Variants in DUSP5 observed in about 807,000 individuals in gnomAD.
DUSP5 encodes dual specificity protein phosphatase 5.
Under a neutral mutation model 33.6 loss-of-function variants are expected in DUSP5, and 22 were observed. That is an observed-to-expected ratio of 0.66 (90% CI 0.47 to 0.94). The LOEUF is 0.94. Ranked by LOEUF, DUSP5 falls within the 40% of genes least tolerant of loss-of-function variation. The pLI is 0.00. For missense variants in DUSP5, 551 were observed against 522.1 expected, an observed-to-expected ratio of 1.06 and a Z score of -0.54; for synonymous variants, 270 against 231.1, an observed-to-expected ratio of 1.17 and a Z score of -1.53.
In DUSP5 at chr10:110,498,476, G is replaced by T; in HGVS notation, c.355G>T (p.Gly119Cys). The T allele has an allele frequency of 6.5e-7, 1 of 1,542,762 alleles. No individual in the cohort carries two copies. Among genetic ancestry groups the T allele is most frequent in the Non-Finnish European group, 8.7e-7 (1 of 1,153,854 alleles). Residue 119 changes from glycine (G) to cysteine (C), a missense_variant, in exon 1 of 4, where the codon GGC (glycine) becomes TGC (cysteine). Gly to Cys is a radical substitution (Grantham distance 159). This residue lies in a region of DUSP5 where 381 missense variants were observed against 310.4 expected (regional missense o/e 1.23). Transcript: ENST00000369583. ...CTCGCTACTCGCTTGCCTACCCGCC[G>T]GCCCGCGGGTCTACTTCCTCAAAGG... ...LTSLLACLPA[G>C]PRVYFLKGGY...
Position 110,510,514 on chromosome 10 carries a change from T to A in DUSP5, c.*88T>A. ...TGGACATTTCATACCTGTGCAATAC[T>A]GAAGACCTCATTCTGTCATGCTGCC... On this transcript the variant is annotated 3_prime_UTR_variant, in exon 4 of 4. Coordinates refer to ENST00000369583, the MANE Select transcript of DUSP5 (RefSeq NM_004419.4). 1 of 1,403,540 alleles carries A rather than the reference T, an allele frequency of 7.1e-7. No homozygotes were observed. Among genetic ancestry groups the A allele is most frequent in the Middle Eastern group, 1.8e-4 (1 of 5,432 alleles). 86.9% of individuals were successfully genotyped at this position (1,403,540 alleles called of 1,614,324 possible).
In DUSP5 at chr10:110,510,605, T is replaced by C; in HGVS notation, c.*179T>C. ...TTCAGACGGACCTCAGGGTAGGTTC[T>C]CGGGACTGAAGGAAGGCCAAGCCAT... On this transcript the variant is annotated 3_prime_UTR_variant, in exon 4 of 4. Coordinates refer to ENST00000369583, the MANE Select transcript of DUSP5 (RefSeq NM_004419.4). 1 of 894,036 alleles carries C rather than the reference T, an allele frequency of 1.1e-6. No individual in the cohort carries two copies. The highest frequency in any genetic ancestry group is 1.6e-6 in the Non-Finnish European group (1 of 612,614). 55.4% of individuals were successfully genotyped at this position (894,036 alleles called of 1,614,324 possible).
chr10:110,507,535 CAGA>C (rs1860134224), intron 3 of DUSP5, among the ~76,000 whole-genome samples: 2 of 152,262 alleles, frequency 1.3e-5, no homozygotes, highest in African/African-American at 4.8e-5. Context: ...TAAAAGCAAA[CAGA>C]AGGATTCAGA....
chr10:110,507,064 G>A lies in DUSP5; in HGVS notation c.658G>A (p.Ala220Thr), dbSNP rs1889566. The part of the protein sequence containing the change: ...NVSRRTSEAC[A>T]THLHYKWIPV... Reference sequence around the variant, plus strand: ...CTCCCGACGGACCTCCGAGGCCTGCGCGACCCACCTACACTACAAATGGAT... The same window carrying A: ...CTCCCGACGGACCTCCGAGGCCTGCACGACCCACCTACACTACAAATGGAT... The change falls in exon 3 of 4, where the codon GCG (alanine) becomes ACG (threonine). Residue 220 changes from alanine to threonine, a missense_variant. Around this residue, in one of 3 missense-constraint regions of DUSP5, gnomAD observed 12 missense variants for 29.9 expected, o/e 0.40. Coordinates refer to ENST00000369583, the MANE Select transcript of DUSP5 (RefSeq NM_004419.4). 0.99 allele frequency: 1,605,568 copies of A among 1,614,154 alleles called. 798,896 individuals are homozygous for A. Among genetic ancestry groups the A allele is most frequent in the East Asian group, 1 (44,876 of 44,878 alleles).
chr10:110,505,939 C>A (rs1220556377), intron 2 of DUSP5, among the ~76,000 whole-genome samples: 1 of 152,174 alleles, frequency 6.6e-6, no homozygotes, highest in African/African-American at 2.4e-5. Context: ...CTTCAACAAA[C>A]CCCCGTGTGA....
chr10:110,510,228 C>T lies in DUSP5; in HGVS notation c.957C>T (p.Pro319=). 1 of 1,614,192 alleles carries T rather than the reference C, an allele frequency of 6.2e-7. No homozygotes were observed. Among genetic ancestry groups the T allele is most frequent in the Non-Finnish European group, 8.5e-7 (1 of 1,180,020 alleles). ...TGCAGTACGAATCTGAGATCCTGCCCTCCACGCCCAACCCCCAGCCTCCCT... is the reference window on the plus strand; with the variant it reads ...TGCAGTACGAATCTGAGATCCTGCCTTCCACGCCCAACCCCCAGCCTCCCT... ...QLLQYESEIL[P]STPNPQPPSC... The change falls in exon 4 of 4, where the codon CCC becomes CCT. Residue 319 remains proline (P), a synonymous_variant. Coordinates refer to ENST00000369583, the MANE Select transcript of DUSP5 (RefSeq NM_004419.4).
intron 3 of DUSP5, among the ~76,000 whole-genome samples, chr10:110,508,790 TTTG>T (rs1860150868): frequency 6.6e-6 from 1 of 152,182 alleles, no homozygotes; most frequent in Non-Finnish European, 1.5e-5. Flanking sequence ...AAGAGACTGT[TTTG>T]TTGTTTCTTT....
At chr10:110,502,613 T>C in intron 1 of DUSP5, 108 bp from the exon 2 acceptor site, 1 of 1,353,912 alleles carries the variant, frequency 7.4e-7, no homozygotes, top group African/African-American at 1.5e-5. Flanking sequence ...TGGCTTATTT[T>C]TTTTCTTAAC....
In DUSP5 at chr10:110,509,897, C is replaced by A. The variant is rs976458913; in HGVS notation, c.749-123C>A. ...GACTGGCAGAAGTGTAGTGTAGGGCCGTGGCTCTTAGGCAGGCACAACAGT... is the reference window on the plus strand; with the variant it reads ...GACTGGCAGAAGTGTAGTGTAGGGCAGTGGCTCTTAGGCAGGCACAACAGT... On this transcript the variant is annotated intron_variant, in intron 3 of 3. Coordinates refer to ENST00000369583, the MANE Select transcript of DUSP5 (RefSeq NM_004419.4). 4 of 1,306,984 alleles carry A rather than the reference C, an allele frequency of 3.1e-6. No homozygotes were observed. The East Asian group carries it at 9.3e-5, about 30-fold the overall frequency. 81.0% of individuals were successfully genotyped at this position (1,306,984 alleles called of 1,614,324 possible).
At chr10:110,500,618 A>T (rs540533454) in intron 1 of DUSP5, among the ~76,000 whole-genome samples, 1 of 152,324 alleles carries the variant, frequency 6.6e-6, no homozygotes, top group South Asian at 2.1e-4. Context: ...AATGGTGATG[A>T]CTGAATTGCG....
chr10:110,498,116 G>A lies in DUSP5; in HGVS notation c.-6G>A, dbSNP rs1328443694. 4 of 1,342,062 alleles carry A rather than the reference G, an allele frequency of 3.0e-6. No individual in the cohort carries two copies. The highest frequency in any genetic ancestry group is 4.7e-4 in the Middle Eastern group (2 of 4,226). 83.1% of individuals were successfully genotyped at this position (1,342,062 alleles called of 1,614,324 possible). A position where few individuals can be genotyped will look rare whatever the true frequency, so the allele number is the denominator to read the frequency against. On this transcript the variant is annotated 5_prime_UTR_variant, in exon 1 of 4. Transcript: ENST00000369583. ...CGCGGGGCCGCTGGCCGGCGGCGGC[G>A]GCGGCATGAAGGTCACGTCGCTCGA... is the stretch of plus-strand genomic sequence containing the variant.
chr10:110,502,259 A>G (rs143836513), intron 1 of DUSP5, among the ~76,000 whole-genome samples: 2,491 of 152,276 alleles, frequency 0.016, 32 homozygotes, highest in Middle Eastern at 0.054. Context: ...ATTTCCTTAT[A>G]AATGGAGGAG....
chr10:110,502,681 A>C, intron 1 of DUSP5, 40 bp from the exon 2 acceptor site: 1 of 1,603,548 alleles, frequency 6.2e-7, no homozygotes, highest in South Asian at 1.1e-5. Context: ...TGAGAAATTG[A>C]TGCTTACCAT....
At chr10:110,499,521 G>A (rs1432494873) in intron 1 of DUSP5, among the ~76,000 whole-genome samples, 8 of 134,928 alleles carry the variant, frequency 5.9e-5, no homozygotes, top group African/African-American at 1.8e-4. Flanking sequence ...CAGTGTTGGG[G>A]ATCAGAGCTC....
At chr10:110,500,665 C>T (rs1431408524) in intron 1 of DUSP5, among the ~76,000 whole-genome samples, 3 of 152,162 alleles carry the variant, frequency 2.0e-5, no homozygotes, top group African/African-American at 7.2e-5. Context: ...TCTGTGCTCT[C>T]TCTGTTCCCT....
chr10:110,501,477 C>T (rs1434177081), intron 1 of DUSP5, among the ~76,000 whole-genome samples: 3 of 152,136 alleles, frequency 2.0e-5, no homozygotes, highest in Non-Finnish European at 4.4e-5. Context: ...TTGGCTGCAG[C>T]TTCTGGGAGG....
chr10:110,498,543 CCCGGGTCCCCTCCCTGCG>C, intron 1 of DUSP5, 43 bp downstream of exon 1: 1 of 1,397,508 alleles, frequency 7.2e-7, no homozygotes, highest in Non-Finnish European at 9.3e-7. Context: ...CTCCGGCGCC[CCCGGGTCCCCTCCCTGCG>C]CCGGGGCGCC....
At position 110,510,173 on chromosome 10, in the gene DUSP5, C is replaced by T. The variant is rs142065029; in HGVS notation, c.902C>T (p.Ser301Leu). ...ATCAAGCAGAGGAGGAGCATGGTCT[C>T]GCCCAACTTTGGCTTCATGGGCCAG... ...DYIKQRRSMVSPNFGFMGQLL... is the reference protein window; with the variant it reads ...DYIKQRRSMVLPNFGFMGQLL... Residue 301 changes from serine (S) to leucine (L), a missense_variant, in exon 4 of 4, where the codon TCG becomes TTG. Ser to Leu is a moderately radical substitution (Grantham distance 145). Coordinates refer to ENST00000369583, the MANE Select transcript of DUSP5 (RefSeq NM_004419.4). 8.7e-5 allele frequency: 141 copies of T among 1,614,236 alleles called. No homozygotes were observed. In the African/African-American group the frequency reaches 1.7e-3, roughly 20 times the overall value.
intron 2 of DUSP5, among the ~76,000 whole-genome samples, chr10:110,504,554 G>C (rs950842053): frequency 2.0e-5 from 3 of 152,238 alleles, no homozygotes; most frequent in African/African-American, 7.2e-5. Context: ...GAGCCTGTTA[G>C]TGTCCATTGG....
Sources: gnomAD v4.1 joint callset for allele counts (sites outside exome capture counted in the v4.1 genomes callset) on GRCh38, gnomAD v4.1.1 for gene constraint, gnomAD v4.1.1 regional missense constraint, MANE v1.5 for transcripts, NCBI Gene and HGNC (gene_info 2026-07-23, HGNC 2026-07-21) for gene names.